Variants in AFF1 observed in about 807,000 individuals in gnomAD.
AFF1 encodes ALF transcription elongation factor 1.
AFF1 carries 48 observed loss-of-function variants against 121.7 expected under a neutral mutation model. The observed-to-expected ratio is 0.39, with a 90% CI of 0.31 to 0.50. AFF1 has a LOEUF of 0.50. Ranked by LOEUF, AFF1 falls within the 20% of genes least tolerant of loss-of-function variation. The probability of loss-of-function intolerance (pLI) is 0.76; values close to 1 mark genes in which losing one functional copy is unlikely to be tolerated. For missense variants in AFF1, 1,523 were observed against 1,511.7 expected (o/e 1.01, Z -0.12); for synonymous variants, 613 against 563.0 (o/e 1.09, Z -1.26).
chr4:87,059,287 AT>A (rs1290323091), intron 4 of AFF1, among the ~76,000 whole-genome samples: 1 of 152,146 alleles, frequency 6.6e-6, no homozygotes, highest in East Asian at 1.9e-4. Flanking sequence ...TCTAAAATGG[AT>A]TTTTTTGTGC....
chr4:87,117,811 C>G (rs1004465422), intron 12 of AFF1, among the ~76,000 whole-genome samples: 5 of 151,934 alleles, frequency 3.3e-5, no homozygotes, highest in African/African-American at 1.2e-4. Context: ...AGTTGTTGAA[C>G]ATATTAATCT....
rs1188720807 is a variant in AFF1, at chr4:87,139,247, C to A, written c.*3546C>A. On this transcript the variant is annotated 3_prime_UTR_variant, in exon 21 of 21. Coordinates refer to ENST00000395146, the MANE Select transcript of AFF1 (RefSeq NM_001166693.3). ...ATGGCTTCAGGGATGCTACATGGCT[C>A]TTGCACCTTTTACTCCTCTGCTTTA... 4.3e-6 allele frequency: 1 copy of A among 232,740 alleles called. No homozygotes were observed. Among genetic ancestry groups the A allele is most frequent in the East Asian group, 6.0e-5 (1 of 16,530 alleles). The allele number at this position is 232,740 out of a possible 1,614,324, so 14.4% of individuals were successfully genotyped here. A position where few individuals can be genotyped will look rare whatever the true frequency, so the allele number is the denominator to read the frequency against.
chr4:87,043,349 A>G (rs1578132574), intron 2 of AFF1, among the ~76,000 whole-genome samples: 1 of 152,308 alleles, frequency 6.6e-6, no homozygotes, highest in Non-Finnish European at 1.5e-5. Flanking sequence ...TGCACTGGAT[A>G]GTTTGGGAGA....
At chr4:86,941,673 T>TAAATA (rs1171614917) in intron 1 of AFF1, among the ~76,000 whole-genome samples, 1 of 150,452 alleles carries the variant, frequency 6.6e-6, no homozygotes, top group Non-Finnish European at 1.5e-5. Flanking sequence ...AATAAATAAA[T>TAAATA]AAATAAAATA....
At chr4:86,958,947 A>G (rs997437872) in intron 2 of AFF1, among the ~76,000 whole-genome samples, 2 of 152,196 alleles carry the variant, frequency 1.3e-5, no homozygotes, top group African/African-American at 4.8e-5. Flanking sequence ...TTGTTTCGAT[A>G]TAGCAGTAGT....
rs1553916945 is a variant in AFF1 at position 87,013,033 on chromosome 4, T to TTTTTTTCTG, written c.39-33127_39-33126insCTGTTTTTT. ...ACCAGATTGAACTGCTATCAAGTTC[T>TTTTTTTCTG]TTTTTTTTTTTTTTTTTTTTTTTTT... is the stretch of plus-strand genomic sequence containing the variant. On this transcript the variant is annotated intron_variant, in intron 2 of 20. Coordinates refer to ENST00000395146, the MANE Select transcript of AFF1 (RefSeq NM_001166693.3). 5.5e-4 allele frequency among the ~76,000 whole-genome samples: 3 copies of TTTTTTTCTG among 5,484 alleles called. 1 individual carries two copies. Among genetic ancestry groups the TTTTTTTCTG allele is most frequent in the African/African-American group, 8.3e-4 (3 of 3,600 alleles). 3.6% of individuals were successfully genotyped at this position (5,484 alleles called of 152,430 possible). A position where few individuals can be genotyped will look rare whatever the true frequency, so the allele number is the denominator to read the frequency against.
chr4:86,962,909 A>G (rs1270752631), intron 2 of AFF1, among the ~76,000 whole-genome samples: 1 of 152,146 alleles, frequency 6.6e-6, no homozygotes, highest in Admixed American at 6.5e-5. Flanking sequence ...TTATGCCTGT[A>G]AAACTCAGCA....
chr4:86,938,345 G>T (rs1720197608), intron 1 of AFF1, among the ~76,000 whole-genome samples: 1 of 151,744 alleles, frequency 6.6e-6, no homozygotes, highest in African/African-American at 2.4e-5. Context: ...GCTTCCTCGG[G>T]AGGCTAAGGC....
At chr4:87,018,303 A>C (rs1727557168) in intron 2 of AFF1, among the ~76,000 whole-genome samples, 1 of 152,212 alleles carries the variant, frequency 6.6e-6, no homozygotes, top group African/African-American at 2.4e-5. Context: ...TAAGCAAACA[A>C]ACTGACAAAT....
chr4:87,094,941 C>A lies in AFF1; in HGVS notation c.1255C>A (p.His419Asn), dbSNP rs1295001058. The change falls in exon 8 of 21, where the codon CAC (histidine) becomes AAC (asparagine). Residue 419 changes from histidine (H) to asparagine (N), a missense_variant. His to Asn is a moderately conservative substitution (Grantham distance 68, BLOSUM62 1). Around this residue, in one of 5 missense-constraint regions of AFF1, gnomAD observed 905 missense variants for 842.5 expected, o/e 1.07. Transcript: ENST00000395146. ...ACAATATGATACATCTTCAAAAACT[C>A]ACTCAAATTCTCAGCAAGGAACGTC... ...QKQYDTSSKT[H>N]SNSQQGTSSM... 1 of 1,613,852 alleles carries A rather than the reference C, an allele frequency of 6.2e-7. No homozygotes were observed. The highest frequency in any genetic ancestry group is 8.5e-7 in the Non-Finnish European group (1 of 1,179,882).
intron 2 of AFF1, chr4:87,007,055 C>T: frequency 3.4e-6 from 4 of 1,188,686 alleles, no homozygotes; most frequent in Non-Finnish European, 3.1e-6. Context: ...TGGGCGCCGG[C>T]GGTCTTCGAG....
intron 2 of AFF1, among the ~76,000 whole-genome samples, chr4:86,983,524 T>C (rs1368875364): frequency 6.8e-6 from 1 of 147,082 alleles, no homozygotes; most frequent in Non-Finnish European, 1.5e-5. Context: ...AGCGAGACTG[T>C]GTCTCAAAAA....
intron 2 of AFF1, among the ~76,000 whole-genome samples, chr4:87,014,713 C>G (rs962795853): frequency 6.6e-6 from 1 of 152,126 alleles, no homozygotes; most frequent in Admixed American, 6.5e-5. Flanking sequence ...AAGACAGACC[C>G]AAGATTATCA....
At position 87,003,848 on chromosome 4, in the gene AFF1, A is replaced by G. The variant is rs979538729; in HGVS notation, c.39-42318A>G. On this transcript the variant is annotated intron_variant, in intron 2 of 20. Transcript: ENST00000395146. ...AATATTTACTATTGCAAAAGAAAAT[A>G]TGCGTACAAAGGTATTTTGTTGTCC... is the stretch of plus-strand genomic sequence containing the variant. 9.9e-5 allele frequency among the ~76,000 whole-genome samples: 15 copies of G among 152,232 alleles called. 1 individual carries two copies. The highest frequency in any genetic ancestry group is 9.2e-4 in the Admixed American group (14 of 15,282).
chr4:87,073,280 C>CAAAAAAAAAAAAAAAA (rs55821662), intron 4 of AFF1, among the ~76,000 whole-genome samples: 5 of 83,686 alleles, frequency 6.0e-5, no homozygotes, highest in African/African-American at 1.0e-4. Flanking sequence ...GCATTAAAGC[C>CAAAAAAAAAAAAAAAA]AAAAAAAAAA....
chr4:86,962,089 A>G lies in AFF1; in HGVS notation c.38+13518A>G, dbSNP rs144458128. Among the ~76,000 whole-genome samples, 1,301 of 151,888 alleles carry G rather than the reference A, an allele frequency of 8.6e-3. 23 individuals carry two copies. Among genetic ancestry groups the G allele is most frequent in the African/African-American group, 0.03 (1,251 of 41,434 alleles). On this transcript the variant is annotated intron_variant, in intron 2 of 20. Transcript: ENST00000395146. ...GGTAAAGGACAAAGCCAGGGAGTTG[A>G]GAGCAAAGGGTATGCACGAGCTGAG...
At chr4:87,028,350 T>C (rs966928567) in intron 2 of AFF1, among the ~76,000 whole-genome samples, 2 of 152,194 alleles carry the variant, frequency 1.3e-5, no homozygotes, top group Non-Finnish European at 2.9e-5. Flanking sequence ...GCACAAATTT[T>C]AAGTGTACTG....
chr4:87,099,363 A>G (rs957479612), intron 8 of AFF1, among the ~76,000 whole-genome samples: 5 of 152,204 alleles, frequency 3.3e-5, no homozygotes, highest in African/African-American at 1.2e-4. Flanking sequence ...AGCCTTCACC[A>G]TCATAGAACA....
At chr4:86,979,662 C>T (rs1395675356) in intron 2 of AFF1, among the ~76,000 whole-genome samples, 4 of 152,090 alleles carry the variant, frequency 2.6e-5, no homozygotes, top group African/African-American at 9.7e-5. Flanking sequence ...CTCAGTCATG[C>T]ATAAAAAGAG....
Sources: allele counts gnomAD v4.1 joint callset (sites outside exome capture counted in the v4.1 genomes callset), GRCh38; gene constraint gnomAD v4.1.1; regional missense constraint gnomAD v4.1.1; transcripts MANE v1.5; gene names NCBI Gene and HGNC (gene_info 2026-07-23, HGNC 2026-07-21).